Variants in RCOR3 observed in about 807,000 individuals in gnomAD.
RCOR3 encodes the protein REST corepressor 3.
In RCOR3, 13 loss-of-function variants were observed where a neutral mutation model predicts 64.1. That is an observed-to-expected ratio of 0.20 (90% CI 0.13 to 0.32). RCOR3 has a LOEUF of 0.32. Ranked by LOEUF, RCOR3 falls within the 10% of genes least tolerant of loss-of-function variation. The probability of loss-of-function intolerance (pLI) is 1.00; values close to 1 mark genes in which losing one functional copy is unlikely to be tolerated. For missense variants in RCOR3, 489 were observed against 701.2 expected (o/e 0.70, Z 3.42); for synonymous variants, 215 against 239.0 (o/e 0.90, Z 0.93).
chr1:211,273,988 TA>T (rs575749661), intron 3 of RCOR3, among the ~76,000 whole-genome samples: 102 of 152,264 alleles, frequency 6.7e-4, no homozygotes, highest in African/African-American at 2.4e-3. Context: ...GTATAATGTG[TA>T]GTCGTAGAGA....
intron 9 of RCOR3, chr1:211,301,416 G>A (rs577747752): frequency 1.3e-5 from 2 of 152,170 alleles, no homozygotes; most frequent in South Asian, 4.1e-4. Context: ...TCACACCTCT[G>A]ACCCCTTGCC....
chr1:211,296,843 AT>A (rs1699905619), intron 9 of RCOR3, among the ~76,000 whole-genome samples: 1 of 152,140 alleles, frequency 6.6e-6, no homozygotes, highest in African/African-American at 2.4e-5. Flanking sequence ...TGCAACAAAA[AT>A]TATTTTAATT....
At chr1:211,281,027 A>G (rs1369325802) in intron 7 of RCOR3, among the ~76,000 whole-genome samples, 1 of 151,898 alleles carries the variant, frequency 6.6e-6, no homozygotes, top group African/African-American at 2.4e-5. Flanking sequence ...CACTCTAGAA[A>G]ACAAATCATC....
chr1:211,275,724 A>T (rs2102494105), intron 4 of RCOR3, among the ~76,000 whole-genome samples: 1 of 152,340 alleles, frequency 6.6e-6, no homozygotes, highest in East Asian at 1.9e-4. Flanking sequence ...GATAATAAGT[A>T]AATGTGGTTT....
rs12134094 is a variant in RCOR3 at position 211,294,198 on chromosome 1, G to A, written c.940-1478G>A. On this transcript the variant is annotated intron_variant, in intron 8 of 11. Transcript: ENST00000419091. ...CAAAATGTACCCAGCTGAACTGAGC[G>A]CACACACATCTCAAACATGTAGCAG... is the stretch of plus-strand genomic sequence containing the variant. Among the ~76,000 whole-genome samples, 409 of 152,232 alleles carry A rather than the reference G, an allele frequency of 2.7e-3. 3 individuals carry two copies. Among genetic ancestry groups the A allele is most frequent in the Admixed American group, 4.3e-3 (65 of 15,292 alleles).
chr1:211,295,344 T>G (rs908619665), intron 8 of RCOR3, among the ~76,000 whole-genome samples: 1 of 152,170 alleles, frequency 6.6e-6, no homozygotes, highest in Non-Finnish European at 1.5e-5. Flanking sequence ...AAATTCTTAT[T>G]TAGTCAAAAC....
chr1:211,303,402 T>C (rs1239820639), intron 9 of RCOR3: 1 of 152,238 alleles, frequency 6.6e-6, no homozygotes, highest in Non-Finnish European at 1.5e-5. Flanking sequence ...TTGCCCAACA[T>C]GCCTCGGTAT....
At chr1:211,291,091 T>A (rs1216296472) in intron 8 of RCOR3, among the ~76,000 whole-genome samples, 2 of 152,142 alleles carry the variant, frequency 1.3e-5, no homozygotes, top group African/African-American at 4.8e-5. Flanking sequence ...CTTTCCATGG[T>A]TTCAGTTACT....
chr1:211,259,972 C>T (rs1164671016), intron 1 of RCOR3, 136 bp from the exon 2 acceptor site: 4 of 1,373,084 alleles, frequency 2.9e-6, no homozygotes, highest in Non-Finnish European at 3.7e-6. Flanking sequence ...CCCGGAGTGC[C>T]CCGAGTTGAT....
chr1:211,263,180 C>T (rs929438225), intron 2 of RCOR3, among the ~76,000 whole-genome samples: 4 of 151,438 alleles, frequency 2.6e-5, no homozygotes, highest in African/African-American at 7.3e-5. Context: ...ATTTCATCCA[C>T]GTCCCTACAA....
intron 8 of RCOR3, among the ~76,000 whole-genome samples, chr1:211,291,137 A>T (rs1463107780): frequency 6.6e-6 from 1 of 152,164 alleles, no homozygotes; most frequent in Admixed American, 6.5e-5. Flanking sequence ...TGAGAAACAG[A>T]CTATATTCAC....
Position 211,259,471 on chromosome 1 carries a change from C to G in RCOR3, c.-90C>G. 1.5e-6 allele frequency: 2 copies of G among 1,356,642 alleles called. No individual in the cohort carries two copies. Among genetic ancestry groups the G allele is most frequent in the Non-Finnish European group, 2.0e-6 (2 of 1,001,234 alleles). 84.0% of individuals were successfully genotyped at this position (1,356,642 alleles called of 1,614,324 possible). ...GCCGCCGCCGTCTCCTCCTCCTCCTCCTTTCCCTCCCGCCCGCGCTCTAAG... is the reference window on the plus strand; with the variant it reads ...GCCGCCGCCGTCTCCTCCTCCTCCTGCTTTCCCTCCCGCCCGCGCTCTAAG... On this transcript the variant is annotated 5_prime_UTR_variant, in exon 1 of 12. Transcript: ENST00000419091.
At chr1:211,270,940 C>T (rs968675844) in intron 2 of RCOR3, among the ~76,000 whole-genome samples, 1 of 152,014 alleles carries the variant, frequency 6.6e-6, no homozygotes, top group South Asian at 2.1e-4. Flanking sequence ...CTGCAAGCTC[C>T]GCCTCCCGGG....
intron 2 of RCOR3, among the ~76,000 whole-genome samples, chr1:211,270,154 C>T (rs1284232925): frequency 6.6e-6 from 1 of 151,098 alleles, no homozygotes; most frequent in African/African-American, 2.4e-5. Context: ...ACCTCTGCCT[C>T]CTGGGTTCAA....
chr1:211,268,168 A>G (rs1442536374), intron 2 of RCOR3, among the ~76,000 whole-genome samples: 2 of 152,094 alleles, frequency 1.3e-5, no homozygotes, highest in East Asian at 3.8e-4. Flanking sequence ...AAAGGATTGA[A>G]GTTTAGGATA....
At chr1:211,286,583 A>G (rs1571905300) in intron 7 of RCOR3, among the ~76,000 whole-genome samples, 1 of 152,158 alleles carries the variant, frequency 6.6e-6, no homozygotes, top group African/African-American at 2.4e-5. Flanking sequence ...CTGGGATTAC[A>G]GGCGTGAGCC....
At chr1:211,308,670 TTTG>T (rs1432234743) in intron 10 of RCOR3, among the ~76,000 whole-genome samples, 8 of 26,250 alleles carry the variant, frequency 3.0e-4, no homozygotes, top group Admixed American at 9.1e-4. Context: ...TGTTTTTTTT[TTTG>T]TTTTTTTTTT....
At position 211,279,230 on chromosome 1, in the gene RCOR3, C is replaced by A; in HGVS notation, c.642-8C>A. The stretch of plus-strand genomic sequence containing the variant: ...GAATTAAGTGTACTAATTTTTGTTT[C>A]TTCTCAGTGATGATGATGTAGAAGA... On this transcript the variant is annotated splice_region_variant and splice_polypyrimidine_tract_variant and intron_variant, in intron 6 of 11. Transcript: ENST00000419091. 3 of 1,553,658 alleles carry A rather than the reference C, an allele frequency of 1.9e-6. No individual in the cohort carries two copies. The highest frequency in any genetic ancestry group is 2.6e-6 in the Non-Finnish European group (3 of 1,144,992).
chr1:211,293,862 CAG>C (rs1241509209), intron 8 of RCOR3, among the ~76,000 whole-genome samples: 3 of 152,154 alleles, frequency 2.0e-5, no homozygotes, highest in Admixed American at 6.5e-5. Flanking sequence ...GGGGGAAAAA[CAG>C]AGGAAAAAAG....
Sources: allele counts gnomAD v4.1 joint callset (sites outside exome capture counted in the v4.1 genomes callset), GRCh38; gene constraint gnomAD v4.1.1; transcripts MANE v1.5; gene names NCBI Gene and HGNC (gene_info 2026-07-23, HGNC 2026-07-21).